The following CDH23 variants were observed in gnomAD, a reference collection of about 807,000 sequenced individuals.
CDH23 encodes the protein cadherin-23.
In CDH23, 189 loss-of-function variants were observed where a neutral mutation model predicts 317.1. The observed-to-expected ratio is 0.60, with a 90% CI of 0.53 to 0.67. The LOEUF is 0.67. Ranked by LOEUF, CDH23 falls within the 30% of genes least tolerant of loss-of-function variation. CDH23 has a pLI of 0.00. For synonymous variants in CDH23, 1,839 were observed against 1,876.8 expected (o/e 0.98, Z 0.52); for missense variants, 4,401 against 4,592.4 (o/e 0.96, Z 1.20).
At chr10:71,508,948 C>A (rs769548380) in intron 3 of CDH23, among the ~76,000 whole-genome samples, 2 of 152,196 alleles carry the variant, frequency 1.3e-5, no homozygotes, top group Non-Finnish European at 2.9e-5. Context: ...CAGTCCTGGG[C>A]AAAGCAGGGC....
intron 1 of CDH23, among the ~76,000 whole-genome samples, chr10:71,416,379 A>T (rs759426387): frequency 1.3e-5 from 2 of 152,172 alleles, no homozygotes; most frequent in Non-Finnish European, 2.9e-5. Flanking sequence ...CTCTTGGACA[A>T]AGCTAGGACT....
intron 9 of CDH23, among the ~76,000 whole-genome samples, chr10:71,587,355 A>G (rs1868000): frequency 0.84 from 127,816 of 152,266 alleles, 54,069 homozygotes; most frequent in African/African-American, 0.9. Flanking sequence ...TTGTTCATTC[A>G]TTCATTCAGC....
chr10:71,579,725 C>T (rs955681008), intron 9 of CDH23, among the ~76,000 whole-genome samples: 1 of 152,160 alleles, frequency 6.6e-6, no homozygotes, highest in Admixed American at 6.5e-5. Flanking sequence ...AATCGAGGCC[C>T]TTTCTAGGTG....
chr10:71,406,517 ACT>A (rs1158632861), intron 1 of CDH23, among the ~76,000 whole-genome samples: 1 of 152,154 alleles, frequency 6.6e-6, no homozygotes, highest in Non-Finnish European at 1.5e-5. Context: ...GGTCCAGACA[ACT>A]GGGAAGACAC....
chr10:71,564,328 A>G (rs1469909567), intron 6 of CDH23, among the ~76,000 whole-genome samples: 3 of 152,234 alleles, frequency 2.0e-5, no homozygotes, highest in African/African-American at 4.8e-5. Context: ...CATGGTGCCC[A>G]GGACCTGAAA....
intron 38 of CDH23, chr10:71,748,460 A>C (rs1179211536): frequency 6.6e-6 from 1 of 151,336 alleles, no homozygotes; most frequent in Non-Finnish European, 1.5e-5. Context: ...TGTCAGCAAA[A>C]CCCTCCAAAT....
At chr10:71,760,955 G>A (rs1840366480) in intron 38 of CDH23, 2 of 1,610,934 alleles carry the variant, frequency 1.2e-6, no homozygotes, top group Non-Finnish European at 1.7e-6. Flanking sequence ...GCCATTAGGT[G>A]GGTGTCAGGC....
rs76977401 is a variant in CDH23, at chr10:71,735,373, G to A, written c.4209+715G>A. On this transcript the variant is annotated intron_variant, in intron 34 of 69. Coordinates refer to ENST00000224721, the MANE Select transcript of CDH23 (RefSeq NM_022124.6). ...ACTGAGGTCAGAAGAGCCAGACAAC[G>A]TTCCTAGAAGAGGCGGCCCGGCCTG... is the stretch of plus-strand genomic sequence containing the variant. Among the ~76,000 whole-genome samples the A allele has an allele frequency of 7.4e-3, 1,123 of 152,298 alleles. 16 individuals carry two copies. Among genetic ancestry groups the A allele is most frequent in the African/African-American group, 0.026 (1,087 of 41,566 alleles).
intron 20 of CDH23, among the ~76,000 whole-genome samples, chr10:71,692,349 T>G (rs1315363993): frequency 1.3e-5 from 2 of 152,228 alleles, no homozygotes; most frequent in African/African-American, 4.8e-5. Context: ...GACATTTTCT[T>G]GCTGCCTTAA....
intron 1 of CDH23, among the ~76,000 whole-genome samples, chr10:71,438,362 A>AAAAG (rs1280960858): frequency 2.0e-5 from 3 of 151,020 alleles, no homozygotes; most frequent in Admixed American, 6.6e-5. Context: ...AAAAAAAAAA[A>AAAAG]AAAGAAAGAA....
intron 1 of CDH23, among the ~76,000 whole-genome samples, chr10:71,427,265 G>GAAAGGGAAAGAAAGAA: frequency 7.5e-6 from 1 of 132,790 alleles, no homozygotes; most frequent in African/African-American, 2.9e-5. Context: ...GAAAGAGAAA[G>GAAAGGGAAAGAAAGAA]AGAGAAAGAA....
chr10:71,626,330 C>T (rs1023699076), intron 11 of CDH23, among the ~76,000 whole-genome samples: 1 of 152,182 alleles, frequency 6.6e-6, no homozygotes, highest in African/African-American at 2.4e-5. Context: ...TACTGCAAGG[C>T]TGACGTCTGC....
intron 11 of CDH23, among the ~76,000 whole-genome samples, chr10:71,633,168 C>T (rs1266979574): frequency 1.3e-5 from 2 of 152,050 alleles, no homozygotes; most frequent in African/African-American, 4.8e-5. Context: ...GCAGAGCCCT[C>T]ACGATCCAAT....
In CDH23 at chr10:71,778,382, G is replaced by A. The variant is rs180690486; in HGVS notation, c.5187+74G>A. 1.8e-5 allele frequency: 28 copies of A among 1,578,360 alleles called. 1 individual carries two copies. The highest frequency in any genetic ancestry group is 1.4e-4 in the Admixed American group (8 of 56,554). ...GATGGGACCCAGAAAGCTCCGATGC[G>A]GGAAGGGGTTAGGGGAAGATTGTCT... On this transcript the variant is annotated intron_variant, in intron 40 of 69. Transcript: ENST00000224721.
chr10:71,545,345 G>A (rs558930900), intron 6 of CDH23, among the ~76,000 whole-genome samples: 13 of 152,094 alleles, frequency 8.5e-5, no homozygotes, highest in African/African-American at 2.4e-4. Context: ...CTCATCCACC[G>A]TGCGTTTCAT....
At chr10:71,536,737 T>G (rs1564639164) in intron 6 of CDH23, among the ~76,000 whole-genome samples, 1 of 152,012 alleles carries the variant, frequency 6.6e-6, no homozygotes, top group Non-Finnish European at 1.5e-5. Flanking sequence ...GGATATGTGA[T>G]GTGATGGGGA....
At chr10:71,680,807 TTTC>T (rs1483229856) in intron 17 of CDH23, among the ~76,000 whole-genome samples, 5 of 100,732 alleles carry the variant, frequency 5.0e-5, no homozygotes, top group Non-Finnish European at 1.1e-4. Flanking sequence ...TCCCTCTGTC[TTTC>T]TTTTTTTTTT....
intron 20 of CDH23, among the ~76,000 whole-genome samples, chr10:71,691,183 T>A (rs997269534): frequency 1.3e-5 from 2 of 152,222 alleles, no homozygotes; most frequent in Admixed American, 1.3e-4. Flanking sequence ...TCTTCGTCTC[T>A]CCATGTACAT....
intron 60 of CDH23, among the ~76,000 whole-genome samples, chr10:71,808,998 T>C (rs1305825178): frequency 1.3e-5 from 2 of 152,150 alleles, no homozygotes; most frequent in African/African-American, 4.8e-5. Flanking sequence ...CTCTGAGCTC[T>C]CACTGCTCTT....
Sources: allele counts gnomAD v4.1 joint callset (sites outside exome capture counted in the v4.1 genomes callset), GRCh38; gene constraint gnomAD v4.1.1; transcripts MANE v1.5; gene names NCBI Gene and HGNC (gene_info 2026-07-23, HGNC 2026-07-21).